WDR43: variants seen among roughly 807,000 people sequenced by gnomAD.
WDR43 encodes WD repeat domain 43, also known as WD repeat-containing protein 43.
In WDR43, 13 loss-of-function variants were observed where a neutral mutation model predicts 91.4. That is an observed-to-expected ratio of 0.14 (90% CI 0.09 to 0.23). The LOEUF is 0.23. Ranked by LOEUF, WDR43 falls within the 10% of genes least tolerant of loss-of-function variation. The pLI is 1.00. For synonymous variants in WDR43, 331 were observed against 287.9 expected (o/e 1.15, Z -1.51); for missense variants, 780 against 809.4 (o/e 0.96, Z 0.44).
chr2:28,942,246 C>G, intron 15 of WDR43, 66 bp from the exon 16 acceptor site: 1 of 1,508,586 alleles, frequency 6.6e-7, no homozygotes, highest in Non-Finnish European at 9.1e-7. Flanking sequence ...GTTGGGTATG[C>G]TGGTGGTCGT....
At chr2:28,902,886 C>G (rs1271662031) in intron 2 of WDR43, among the ~76,000 whole-genome samples, 1 of 152,130 alleles carries the variant, frequency 6.6e-6, no homozygotes, top group Non-Finnish European at 1.5e-5. Flanking sequence ...ATATCTATTG[C>G]AGTGTGTTTT....
chr2:28,942,579 A>G (rs1671459517), intron 16 of WDR43, among the ~76,000 whole-genome samples, 198 bp downstream of exon 16: 1 of 152,134 alleles, frequency 6.6e-6, no homozygotes, highest in Non-Finnish European at 1.5e-5. Flanking sequence ...ATACAGTGAC[A>G]AAAAAGGGCA....
intron 11 of WDR43, 63 bp downstream of exon 11, chr2:28,929,773 A>AT (rs1671208574): frequency 6.6e-7 from 1 of 1,518,556 alleles, no homozygotes. Flanking sequence ...AATGATTGAC[A>AT]TAGCACATTC....
intron 4 of WDR43, 192 bp from the exon 5 acceptor site, chr2:28,913,877 G>C (rs1670856021): frequency 1.4e-6 from 1 of 730,690 alleles, no homozygotes; most frequent in Admixed American, 2.4e-5. Context: ...ATTTTCAGAT[G>C]GATTTTTTTA....
intron 1 of WDR43, among the ~76,000 whole-genome samples, chr2:28,899,242 T>G (rs1670536726): frequency 6.6e-6 from 1 of 152,234 alleles, no homozygotes; most frequent in African/African-American, 2.4e-5. Flanking sequence ...TGCTGGGCAC[T>G]TAAGAGGAAA....
intron 1 of WDR43, among the ~76,000 whole-genome samples, chr2:28,897,791 T>A (rs1394374977): frequency 1.3e-5 from 2 of 152,184 alleles, no homozygotes; most frequent in African/African-American, 4.8e-5. Context: ...AAAATTAGAT[T>A]GTCACCTCTT....
chr2:28,934,062 A>G (rs955910599), intron 11 of WDR43, among the ~76,000 whole-genome samples: 5 of 152,222 alleles, frequency 3.3e-5, no homozygotes, highest in African/African-American at 1.2e-4. Context: ...TAAACTGGAA[A>G]GAACACATAT....
At chr2:28,925,487 C>CT (rs1190848851) in intron 8 of WDR43, among the ~76,000 whole-genome samples, 1 of 152,130 alleles carries the variant, frequency 6.6e-6, no homozygotes, top group African/African-American at 2.4e-5. Flanking sequence ...TTCCTAGTGT[C>CT]TTACTAGTTG....
intron 9 of WDR43, chr2:28,926,934 A>G: frequency 2.6e-6 from 1 of 384,178 alleles, no homozygotes; most frequent in South Asian, 2.0e-5. Flanking sequence ...GGTGTAATAA[A>G]ACCGTCATGG....
intron 9 of WDR43, 191 bp from the exon 10 acceptor site, chr2:28,927,378 C>G (rs1463537234): frequency 1.2e-5 from 8 of 666,684 alleles, no homozygotes; most frequent in Non-Finnish European, 1.9e-5. Flanking sequence ...GCTTTAAATT[C>G]ACAGTCTTTC....
At chr2:28,917,500 A>G (rs115794722) in intron 5 of WDR43, among the ~76,000 whole-genome samples, 22 of 152,356 alleles carry the variant, frequency 1.4e-4, no homozygotes, top group African/African-American at 5.3e-4. Context: ...GGAAATAACA[A>G]ATGACAATAG....
chr2:28,931,478 A>G (rs868752863), intron 11 of WDR43, among the ~76,000 whole-genome samples: 7 of 152,176 alleles, frequency 4.6e-5, no homozygotes, highest in Admixed American at 3.3e-4. Context: ...TGGAAAAGTT[A>G]GGTTATTTGC....
At chr2:28,911,694 C>T (rs951335708) in intron 3 of WDR43, among the ~76,000 whole-genome samples, 4 of 144,472 alleles carry the variant, frequency 2.8e-5, no homozygotes, top group Admixed American at 7.4e-5. Context: ...TGCAGTGGTG[C>T]GATCTTGGCT....
At chr2:28,902,223 G>C in intron 2 of WDR43, 99 bp downstream of exon 2, 1 of 1,250,218 alleles carries the variant, frequency 8.0e-7, no homozygotes, top group East Asian at 2.5e-5. Flanking sequence ...GATGGGATCT[G>C]TGCAGTAGGG....
chr2:28,925,453 A>G (rs1400459692), intron 8 of WDR43, among the ~76,000 whole-genome samples: 1 of 152,164 alleles, frequency 6.6e-6, no homozygotes, highest in Admixed American at 6.5e-5. Context: ...GACTAGCCAC[A>G]TTTCAAGTGC....
chr2:28,942,654 G>A (rs1208438797), intron 16 of WDR43, among the ~76,000 whole-genome samples: 1 of 134,800 alleles, frequency 7.4e-6, no homozygotes, highest in African/African-American at 2.8e-5. Context: ...TCAGTCTGTT[G>A]CCTAGGTTGT....
chr2:28,938,996 GGCCTGGGAAC>G (rs1671386557), intron 14 of WDR43, among the ~76,000 whole-genome samples: 4 of 149,816 alleles, frequency 2.7e-5, no homozygotes, highest in Admixed American at 1.3e-4. Context: ...TTTGGGAGGT[GGCCTGGGAAC>G]ACTGGTGAGG....
At chr2:28,918,724 A>C (rs1670964561) in intron 6 of WDR43, among the ~76,000 whole-genome samples, 1 of 152,202 alleles carries the variant, frequency 6.6e-6, no homozygotes, top group Non-Finnish European at 1.5e-5. Flanking sequence ...CCTATAAAAA[A>C]AGAATTTTTC....
intron 16 of WDR43, among the ~76,000 whole-genome samples, chr2:28,944,910 G>T (rs538787793): frequency 6.6e-6 from 1 of 152,198 alleles, no homozygotes; most frequent in African/African-American, 2.4e-5. Flanking sequence ...ATAACAGGGC[G>T]CAATTTAAAA....
Sources: allele counts gnomAD v4.1 joint callset (sites outside exome capture counted in the v4.1 genomes callset), GRCh38; gene constraint gnomAD v4.1.1; transcripts MANE v1.5; gene names NCBI Gene and HGNC (gene_info 2026-07-23, HGNC 2026-07-21).